The following EIF4G3 variants were observed in gnomAD, a reference collection of about 807,000 sequenced individuals.
EIF4G3 encodes the protein eukaryotic translation initiation factor 4 gamma 3.
EIF4G3 carries 34 observed loss-of-function variants against 186.4 expected under a neutral mutation model. The ratio of observed to expected loss-of-function variants is 0.18; its 90% CI spans 0.14 to 0.24. EIF4G3 has a LOEUF of 0.24. EIF4G3 is among the 10% of genes least tolerant of loss of function. The probability of loss-of-function intolerance (pLI) is 1.00; values close to 1 mark genes in which losing one functional copy is unlikely to be tolerated. For missense variants in EIF4G3, 1,536 were observed against 1,948.5 expected (o/e 0.79, Z 3.99); for synonymous variants, 673 against 679.5 (o/e 0.99, Z 0.15).
chr1:20,970,837 G>A (rs1049235766), intron 11 of EIF4G3, among the ~76,000 whole-genome samples: 10 of 152,068 alleles, frequency 6.6e-5, no homozygotes, highest in African/African-American at 2.4e-4. Flanking sequence ...GGTGGCAGGC[G>A]CCTGTAATCC....
chr1:21,127,135 C>A (rs2097061104), intron 2 of EIF4G3, among the ~76,000 whole-genome samples: 1 of 152,096 alleles, frequency 6.6e-6, no homozygotes, highest in Admixed American at 6.6e-5. Context: ...GGACTACAGG[C>A]AAGCTCCTCA....
chr1:21,158,732 C>CAT (rs1345753576), intron 2 of EIF4G3, among the ~76,000 whole-genome samples: 2 of 139,710 alleles, frequency 1.4e-5, no homozygotes, highest in Non-Finnish European at 3.3e-5. Flanking sequence ...CACGTACATA[C>CAT]ATATACATAC....
chr1:20,989,138 T>G (rs1041308658), intron 7 of EIF4G3, among the ~76,000 whole-genome samples: 3 of 132,506 alleles, frequency 2.3e-5, no homozygotes, highest in Non-Finnish European at 4.7e-5. Flanking sequence ...GGCCAAAATA[T>G]CAACATTCAC....
chr1:21,062,154 G>A (rs967711345), intron 3 of EIF4G3, among the ~76,000 whole-genome samples: 1 of 151,526 alleles, frequency 6.6e-6, no homozygotes, highest in African/African-American at 2.4e-5. Flanking sequence ...AAACTCCAGG[G>A]CTCAAGCAAT....
At chr1:21,064,444 T>G (rs975466523) in intron 3 of EIF4G3, 4 of 152,212 alleles carry the variant, frequency 2.6e-5, no homozygotes, top group African/African-American at 9.6e-5. Flanking sequence ...TATATGGCTA[T>G]TTGAGGGTAA....
chr1:21,054,539 T>C (rs1319956057), intron 3 of EIF4G3, among the ~76,000 whole-genome samples: 3 of 151,898 alleles, frequency 2.0e-5, no homozygotes, highest in Non-Finnish European at 4.4e-5. Flanking sequence ...TCTTCAGTGG[T>C]GCGTTAAAAA....
chr1:20,840,528 AT>A (rs1293872400), intron 30 of EIF4G3, among the ~76,000 whole-genome samples: 3 of 152,212 alleles, frequency 2.0e-5, no homozygotes, highest in African/African-American at 7.2e-5. Context: ...CTCAAAGAAC[AT>A]TTGGGGATCA....
chr1:20,997,697 A>G (rs1256740487), intron 6 of EIF4G3, 64 bp from the exon 7 acceptor site: 1 of 1,376,648 alleles, frequency 7.3e-7, no homozygotes, highest in African/African-American at 1.5e-5. Context: ...CACCACAACA[A>G]AAACCAAAAT....
At chr1:20,980,956 T>C in intron 9 of EIF4G3, 92 bp downstream of exon 9, 2 of 1,068,514 alleles carry the variant, frequency 1.9e-6, no homozygotes, top group Non-Finnish European at 2.5e-6. Flanking sequence ...CGAAAACTAA[T>C]ACCACAATTC....
intron 4 of EIF4G3, among the ~76,000 whole-genome samples, chr1:21,038,803 C>T (rs1484372495): frequency 6.6e-6 from 1 of 152,194 alleles, no homozygotes; most frequent in African/African-American, 2.4e-5. Flanking sequence ...GTGAATACTA[C>T]ATCTTAATTC....
rs192841323 is a variant in EIF4G3, at chr1:20,977,421, G to A, written c.493+2913C>T. 9.1e-3 allele frequency among the ~76,000 whole-genome samples: 1,380 copies of A among 152,012 alleles called. 11 individuals carry two copies. Among genetic ancestry groups the A allele is most frequent in the Non-Finnish European group, 0.013 (893 of 67,978 alleles). ...AGGCTGGTTTAGAACTCCTGACCTC[G>A]GGTGATCCACCCACCTTGGTCTCCC... On this transcript the variant is annotated intron_variant, in intron 10 of 36. Coordinates refer to ENST00000602326, the MANE Select transcript of EIF4G3 (RefSeq NM_001391906.1).
chr1:21,062,227 T>G (rs1378139482), intron 3 of EIF4G3, among the ~76,000 whole-genome samples: 1 of 151,124 alleles, frequency 6.6e-6, no homozygotes, highest in Non-Finnish European at 1.5e-5. Flanking sequence ...CTGGGCTAAT[T>G]TGTTTTATTT....
chr1:20,976,385 T>C (rs1020776827), intron 10 of EIF4G3, among the ~76,000 whole-genome samples: 6 of 149,804 alleles, frequency 4.0e-5, no homozygotes, highest in African/African-American at 1.5e-4. Flanking sequence ...TTAAAATTTG[T>C]ATAAAGGACT....
chr1:20,878,951 G>GT (rs2154554042), intron 20 of EIF4G3, among the ~76,000 whole-genome samples: 1 of 152,224 alleles, frequency 6.6e-6, no homozygotes, highest in East Asian at 1.9e-4. Context: ...TAGAATCAAC[G>GT]TGTTTTTAAA....
intron 18 of EIF4G3, among the ~76,000 whole-genome samples, chr1:20,892,221 C>T (rs979070312): frequency 2.0e-5 from 3 of 152,184 alleles, no homozygotes; most frequent in East Asian, 3.8e-4. Context: ...TGAAGTAACA[C>T]GGTTATCTGC....
At chr1:20,996,978 T>C (rs888564017) in intron 7 of EIF4G3, among the ~76,000 whole-genome samples, 6 of 152,186 alleles carry the variant, frequency 3.9e-5, no homozygotes, top group South Asian at 2.1e-4. Flanking sequence ...ACCAATAGGA[T>C]AGAATTAATA....
At chr1:21,129,315 C>CAAAA (rs11432023) in intron 2 of EIF4G3, among the ~76,000 whole-genome samples, 1 of 144,530 alleles carries the variant, frequency 6.9e-6, no homozygotes, top group East Asian at 2.0e-4. Flanking sequence ...AACTCTATCT[C>CAAAA]AAAAAAAAAA....
chr1:20,936,214 C>T (rs1016042557), intron 14 of EIF4G3, among the ~76,000 whole-genome samples: 4 of 152,110 alleles, frequency 2.6e-5, no homozygotes, highest in African/African-American at 9.7e-5. Context: ...GGGAGGGAAA[C>T]AAGAAAATAG....
At chr1:20,828,996 T>C in intron 31 of EIF4G3, 151 bp downstream of exon 31, 1 of 815,204 alleles carries the variant, frequency 1.2e-6, no homozygotes, top group Non-Finnish European at 1.9e-6. Flanking sequence ...AGGTAACATT[T>C]TTACACTGAA....
Sources: gnomAD v4.1 joint callset for allele counts (sites outside exome capture counted in the v4.1 genomes callset) on GRCh38, gnomAD v4.1.1 for gene constraint, MANE v1.5 for transcripts, NCBI Gene and HGNC (gene_info 2026-07-23, HGNC 2026-07-21) for gene names.